Variants in CCDC149 observed in about 807,000 individuals in gnomAD.
The protein encoded by CCDC149 is coiled-coil domain containing 149, also known as coiled-coil domain-containing protein 149.
Under a neutral mutation model 59.9 loss-of-function variants are expected in CCDC149, and 45 were observed. That is an observed-to-expected ratio of 0.75 (90% CI 0.59 to 0.96). The LOEUF (loss-of-function observed/expected upper bound fraction) is 0.96, where lower values mean the gene tolerates loss of function less well. Ranked by LOEUF, CCDC149 falls within the 40% of genes least tolerant of loss-of-function variation. The pLI is 0.00. For synonymous variants in CCDC149, 245 were observed against 260.6 expected, an observed-to-expected ratio of 0.94 and a Z score of 0.58; for missense variants, 584 against 664.7, an observed-to-expected ratio of 0.88 and a Z score of 1.33.
chr4:24,831,730 G>A (rs952326015), intron 8 of CCDC149, 80 bp from the exon 9 acceptor site: 12 of 1,308,492 alleles, frequency 9.2e-6, no homozygotes, highest in Non-Finnish European at 1.3e-5. Flanking sequence ...ATCCTTCTTG[G>A]ATAATGATAT....
chr4:24,823,025 G>A (rs1715511482), intron 9 of CCDC149: 1 of 152,668 alleles, frequency 6.6e-6, no homozygotes. Context: ...TGGTAATGTT[G>A]TTTTAAGTCA....
chr4:24,858,620 C>T (rs17625018), intron 3 of CCDC149, among the ~76,000 whole-genome samples: 11,781 of 152,182 alleles, frequency 0.077, 468 homozygotes, highest in Middle Eastern at 0.095. Flanking sequence ...GATATGACAG[C>T]TTTCCATTCT....
intron 1 of CCDC149, among the ~76,000 whole-genome samples, chr4:24,968,100 T>C (rs948453728): frequency 2.0e-5 from 3 of 152,230 alleles, no homozygotes; most frequent in African/African-American, 4.8e-5. Flanking sequence ...AAACGGGCTA[T>C]TCAACAGGCA....
intron 1 of CCDC149, among the ~76,000 whole-genome samples, chr4:24,970,008 C>T (rs1341958481): frequency 6.6e-6 from 1 of 152,212 alleles, no homozygotes; most frequent in Non-Finnish European, 1.5e-5. Flanking sequence ...CTCCCCATGA[C>T]TTTGGCACAG....
At chr4:24,944,640 T>G (rs1007603227) in intron 1 of CCDC149, among the ~76,000 whole-genome samples, 1 of 152,034 alleles carries the variant, frequency 6.6e-6, no homozygotes, top group African/African-American at 2.4e-5. Context: ...AAATACCTAA[T>G]GCATGCAGAG....
intron 12 of CCDC149, 53 bp from the exon 13 acceptor site, chr4:24,808,872 C>T (rs1714404919): frequency 6.9e-7 from 1 of 1,455,592 alleles, no homozygotes; most frequent in Non-Finnish European, 9.2e-7. Flanking sequence ...TCAGCCCTCA[C>T]CGCCCCTCTT....
chr4:24,932,504 G>T (rs1408882509), intron 1 of CCDC149, among the ~76,000 whole-genome samples: 1 of 152,170 alleles, frequency 6.6e-6, no homozygotes, highest in African/African-American at 2.4e-5. Flanking sequence ...TATTGTGTTT[G>T]ATTTTGTGCT....
intron 1 of CCDC149, among the ~76,000 whole-genome samples, chr4:24,972,533 C>G (rs925445515): frequency 1.3e-5 from 2 of 151,996 alleles, no homozygotes; most frequent in Non-Finnish European, 2.9e-5. Context: ...GTCTCAAACC[C>G]CTGAGCTAAA....
intron 1 of CCDC149, among the ~76,000 whole-genome samples, chr4:24,919,829 T>G (rs1483724723): frequency 6.6e-6 from 1 of 152,236 alleles, no homozygotes; most frequent in African/African-American, 2.4e-5. Context: ...ATTTTACATT[T>G]GGGTGAGGAC....
At chr4:24,859,859 T>TA (rs1390692341) in intron 3 of CCDC149, among the ~76,000 whole-genome samples, 1 of 151,998 alleles carries the variant, frequency 6.6e-6, no homozygotes, top group Non-Finnish European at 1.5e-5. Context: ...TGCAAAAAAA[T>TA]AAAGTACTTT....
At chr4:24,838,778 T>TAA (rs372190574) in intron 4 of CCDC149, among the ~76,000 whole-genome samples, 2 of 137,330 alleles carry the variant, frequency 1.5e-5, no homozygotes, top group Non-Finnish European at 1.6e-5. Context: ...TTAAAGAGTT[T>TAA]AAAAAAAAAA....
intron 6 of CCDC149, 67 bp from the exon 7 acceptor site, chr4:24,836,575 AGG>A: frequency 8.9e-7 from 1 of 1,123,398 alleles, no homozygotes. Context: ...CTGAAGTATA[AGG>A]GGAAAAAACA....
chr4:24,975,124 G>A (rs1724121147), intron 1 of CCDC149, among the ~76,000 whole-genome samples: 3 of 152,058 alleles, frequency 2.0e-5, no homozygotes, highest in African/African-American at 4.8e-5. Context: ...CGCCCCTCAT[G>A]AGATGCCAGC....
At chr4:24,973,613 G>A (rs1281954904) in intron 1 of CCDC149, among the ~76,000 whole-genome samples, 1 of 152,192 alleles carries the variant, frequency 6.6e-6, no homozygotes, top group Non-Finnish European at 1.5e-5. Context: ...AGGATAAAAA[G>A]AACTGAAAAA....
chr4:24,963,180 G>C lies in CCDC149; in HGVS notation c.-65+16889C>G, dbSNP rs116697819. Among the ~76,000 whole-genome samples, 592 of 152,146 alleles carry C rather than the reference G, an allele frequency of 3.9e-3. 3 individuals are homozygous for C. The highest frequency in any genetic ancestry group is 0.014 in the African/African-American group (563 of 41,516). ...CACTTTTTAATTCTTCTGCTGGGTGGTGTTAGCAAGGCCAAGTGTGGATCT... is the reference window on the plus strand; with the variant it reads ...CACTTTTTAATTCTTCTGCTGGGTGCTGTTAGCAAGGCCAAGTGTGGATCT... On this transcript the variant is annotated intron_variant, in intron 1 of 12. Coordinates refer to the CCDC149 transcript ENST00000389609.
chr4:24,878,738 G>T (rs567655210), intron 1 of CCDC149, among the ~76,000 whole-genome samples: 28 of 152,336 alleles, frequency 1.8e-4, no homozygotes, highest in African/African-American at 6.5e-4. Flanking sequence ...AAATCCTCAT[G>T]CATGAAGACA....
intron 1 of CCDC149, among the ~76,000 whole-genome samples, chr4:24,906,918 A>G (rs1482619418): frequency 1.3e-5 from 2 of 152,182 alleles, no homozygotes; most frequent in Non-Finnish European, 2.9e-5. Context: ...AGACTAAATT[A>G]GGAGAGTGTG....
At chr4:24,885,533 T>C (rs1360534405) in intron 1 of CCDC149, among the ~76,000 whole-genome samples, 1 of 152,182 alleles carries the variant, frequency 6.6e-6, no homozygotes, top group Admixed American at 6.5e-5. Context: ...TCATGCGTGG[T>C]TTCAGCCTCC....
chr4:24,895,363 T>C (rs920902308), intron 1 of CCDC149, among the ~76,000 whole-genome samples: 3 of 152,130 alleles, frequency 2.0e-5, no homozygotes, highest in Non-Finnish European at 2.9e-5. Flanking sequence ...TCGATACAAA[T>C]AGTAAAACAG....
Sources: gnomAD v4.1 joint callset for allele counts (sites outside exome capture counted in the v4.1 genomes callset) on GRCh38, gnomAD v4.1.1 for gene constraint, MANE v1.5 for transcripts, NCBI Gene and HGNC (gene_info 2026-07-23, HGNC 2026-07-21) for gene names.